FAM163A: variants seen among roughly 807,000 people sequenced by gnomAD.
The protein encoded by FAM163A is family with sequence similarity 163 member A, also known as protein FAM163A.
A neutral mutation model predicts 12.0 loss-of-function variants in FAM163A; 7 were observed. That is an observed-to-expected ratio of 0.58 (90% CI 0.33 to 1.10). The LOEUF (loss-of-function observed/expected upper bound fraction) is 1.10, where lower values mean the gene tolerates loss of function less well. Ranked by LOEUF, FAM163A falls within the 50% of genes least tolerant of loss-of-function variation. The pLI, the probability that FAM163A is intolerant of heterozygous loss-of-function variation, is 0.03. For synonymous variants in FAM163A, 101 were observed against 91.0 expected, an observed-to-expected ratio of 1.11 and a Z score of -0.62; for missense variants, 202 against 218.6, an observed-to-expected ratio of 0.92 and a Z score of 0.48.
intron 2 of FAM163A, among the ~76,000 whole-genome samples, chr1:179,808,442 A>G (rs1195909058): frequency 2.6e-5 from 4 of 152,196 alleles, no homozygotes; most frequent in Non-Finnish European, 5.9e-5. Flanking sequence ...CCAAAGGTCA[A>G]CTGGAGAAGG....
At chr1:179,737,728 G>A in the FAM163A span, among the ~76,000 whole-genome samples, 7,827 of 152,050 alleles carry the variant, frequency 0.051, 230 homozygotes, top group African/African-American at 0.073. Context: ...CCAGCTACTC[G>A]GGAGGCTGAG....
At chr1:179,782,473 G>C (rs111242404) in intron 1 of FAM163A, among the ~76,000 whole-genome samples, 9 of 152,068 alleles carry the variant, frequency 5.9e-5, no homozygotes, top group African/African-American at 1.9e-4. Flanking sequence ...GGGAAAGCTT[G>C]TGCAAGCAGG....
At chr1:179,792,794 C>T (rs1211064203) in intron 1 of FAM163A, among the ~76,000 whole-genome samples, 3 of 152,038 alleles carry the variant, frequency 2.0e-5, no homozygotes, top group South Asian at 2.1e-4. Context: ...GAAAGGGCTA[C>T]TTTGTATTTG....
At chr1:179,794,134 C>T (rs6684425) in intron 1 of FAM163A, among the ~76,000 whole-genome samples, 78,145 of 152,088 alleles carry the variant, frequency 0.51, 22,956 homozygotes, top group African/African-American at 0.81. Context: ...CACCTTGTGC[C>T]TCTGCTCAGC....
intron 1 of FAM163A, among the ~76,000 whole-genome samples, chr1:179,767,046 G>A (rs529567162): frequency 4.6e-5 from 7 of 152,090 alleles, no homozygotes; most frequent in Admixed American, 1.3e-4. Context: ...ATGAACCACC[G>A]CCCCCGGCCT....
chr1:179,758,641 G>A lies in FAM163A; in HGVS notation c.-136+15218G>A, dbSNP rs80071815. Among the ~76,000 whole-genome samples, 778 of 152,332 alleles carry A rather than the reference G, an allele frequency of 5.1e-3. 6 individuals are homozygous for A. Among genetic ancestry groups the A allele is most frequent in the African/African-American group, 0.018 (743 of 41,556 alleles). On this transcript the variant is annotated intron_variant, in intron 1 of 4. Coordinates refer to ENST00000341785, the MANE Select transcript of FAM163A (RefSeq NM_173509.3). ...CTTCCACTCCCTAGCTGCTTCATTAGTGTTCCTGTCCCTCTGTTCCTCCGT... is the reference window on the plus strand; with the variant it reads ...CTTCCACTCCCTAGCTGCTTCATTAATGTTCCTGTCCCTCTGTTCCTCCGT...
chr1:179,754,276 A>G (rs1208614026), intron 1 of FAM163A, among the ~76,000 whole-genome samples: 1 of 152,098 alleles, frequency 6.6e-6, no homozygotes, highest in Non-Finnish European at 1.5e-5. Flanking sequence ...AGGTTTAAGT[A>G]ATTTAAGAGC....
chr1:179,760,948 T>C (rs1158676529), intron 1 of FAM163A, among the ~76,000 whole-genome samples: 1 of 152,242 alleles, frequency 6.6e-6, no homozygotes, highest in African/African-American at 2.4e-5. Flanking sequence ...TTCTACGCCA[T>C]GTGCCCACAC....
At chr1:179,802,700 T>G (rs2148323241) in intron 1 of FAM163A, among the ~76,000 whole-genome samples, 1 of 152,346 alleles carries the variant, frequency 6.6e-6, no homozygotes, top group African/African-American at 2.4e-5. Context: ...CCAGTGCTCC[T>G]GTATACCCAC....
intron 1 of FAM163A, among the ~76,000 whole-genome samples, chr1:179,764,591 C>G (rs1235808059): frequency 6.6e-6 from 1 of 152,178 alleles, no homozygotes; most frequent in Admixed American, 6.5e-5. Flanking sequence ...CATTTTATGA[C>G]TAAAAGTTTG....
At chr1:179,727,851 T>C in the FAM163A span, among the ~76,000 whole-genome samples, 1 of 152,056 alleles carries the variant, frequency 6.6e-6, no homozygotes, top group Non-Finnish European at 1.5e-5. Flanking sequence ...ACACAGTGAG[T>C]GGTGTCAAAC....
At chr1:179,784,994 C>T (rs773829705) in intron 1 of FAM163A, among the ~76,000 whole-genome samples, 29 of 152,148 alleles carry the variant, frequency 1.9e-4, no homozygotes, top group Non-Finnish European at 2.9e-4. Context: ...TGGCCATGGA[C>T]GTCACTGTGG....
intron 1 of FAM163A, among the ~76,000 whole-genome samples, chr1:179,747,807 G>T (rs1005010535): frequency 6.6e-6 from 1 of 152,296 alleles, no homozygotes; most frequent in South Asian, 2.1e-4. Flanking sequence ...AGTATGGATA[G>T]ATTTGTACAA....
intron 1 of FAM163A, among the ~76,000 whole-genome samples, chr1:179,782,746 T>C (rs1323575360): frequency 1.3e-5 from 2 of 152,206 alleles, no homozygotes; most frequent in African/African-American, 4.8e-5. Flanking sequence ...CGCGCTTTCA[T>C]GTTACAGAGG....
At chr1:179,771,415 T>G (rs1044862072) in intron 1 of FAM163A, among the ~76,000 whole-genome samples, 2 of 152,190 alleles carry the variant, frequency 1.3e-5, no homozygotes, top group Non-Finnish European at 2.9e-5. Context: ...TTTTGTTCTC[T>G]CCTTTGCAGA....
At position 179,787,019 on chromosome 1, in the gene FAM163A, C is replaced by A. The variant is rs560097868; in HGVS notation, c.-135-20779C>A. 2.6e-5 allele frequency among the ~76,000 whole-genome samples: 4 copies of A among 152,326 alleles called. No individual in the cohort carries two copies. The East Asian group carries it at 7.7e-4, about 29-fold the overall frequency. On this transcript the variant is annotated intron_variant, in intron 1 of 4. Coordinates refer to ENST00000341785, the MANE Select transcript of FAM163A (RefSeq NM_173509.3). ...GGAAAAGGGAGGGAGACCTTCCTACCCATCAGAGATGTAGAGGATGAATTA... is the reference window on the plus strand; with the variant it reads ...GGAAAAGGGAGGGAGACCTTCCTACACATCAGAGATGTAGAGGATGAATTA...
At chr1:179,756,400 G>A (rs576389081) in intron 1 of FAM163A, among the ~76,000 whole-genome samples, 1 of 152,304 alleles carries the variant, frequency 6.6e-6, no homozygotes, top group East Asian at 1.9e-4. Flanking sequence ...TTGGATGTGA[G>A]GGGAGAGAAA....
rs573616205 is a variant in FAM163A at position 179,781,124 on chromosome 1, G to A, written c.-135-26674G>A. 2.4e-4 allele frequency among the ~76,000 whole-genome samples: 37 copies of A among 152,266 alleles called. 1 individual carries two copies. The South Asian group carries it at 6.6e-3, about 27-fold the overall frequency. On this transcript the variant is annotated intron_variant, in intron 1 of 4. Transcript: ENST00000341785. ...CTTAACCGAGAGTGAAAGTAGATTC[G>A]TGGTTGCCCAGGCCTGGATGAGAGA... is the stretch of plus-strand genomic sequence containing the variant.
chr1:179,746,823 C>T (rs1308342578), intron 1 of FAM163A, among the ~76,000 whole-genome samples: 1 of 152,252 alleles, frequency 6.6e-6, no homozygotes, highest in South Asian at 2.1e-4. Context: ...GGCTGTGAGA[C>T]TGCACAGTGC....
Sources: allele counts gnomAD v4.1 joint callset (sites outside exome capture counted in the v4.1 genomes callset), GRCh38; gene constraint gnomAD v4.1.1; transcripts MANE v1.5; gene names NCBI Gene and HGNC (gene_info 2026-07-23, HGNC 2026-07-21).